The following ADAM7 variants were observed in gnomAD, a reference collection of about 807,000 sequenced individuals.
ADAM7 encodes the protein disintegrin and metalloproteinase domain-containing protein 7.
In ADAM7, 97 loss-of-function variants were observed where a neutral mutation model predicts 102.9. The observed-to-expected ratio is 0.94, with a 90% CI of 0.80 to 1.12. The LOEUF (loss-of-function observed/expected upper bound fraction) is 1.12, where lower values mean the gene tolerates loss of function less well. Among genes scored for constraint, ADAM7 ranks in the 50% most tolerant of loss-of-function variants. The probability of loss-of-function intolerance (pLI) is 0.00; values close to 1 mark genes in which losing one functional copy is unlikely to be tolerated. For synonymous variants in ADAM7, 334 were observed against 304.4 expected (o/e 1.10, Z -1.01); for missense variants, 991 against 908.7 (o/e 1.09, Z -1.16).
intron 3 of ADAM7, among the ~76,000 whole-genome samples, chr8:24,457,991 T>C (rs1442041399): frequency 2.0e-5 from 3 of 152,162 alleles, no homozygotes; most frequent in Admixed American, 1.3e-4. Flanking sequence ...TGGATTACTT[T>C]GGCACCTTCG....
chr8:24,448,659 TATTA>T (rs999902017), intron 3 of ADAM7, among the ~76,000 whole-genome samples: 3 of 29,306 alleles, frequency 1.0e-4, no homozygotes, highest in African/African-American at 2.8e-4. Context: ...TCAGCTTGTT[TATTA>T]TTATTATTAT....
intron 3 of ADAM7, among the ~76,000 whole-genome samples, chr8:24,457,824 T>C (rs1488756679): frequency 1.3e-5 from 2 of 151,868 alleles, no homozygotes; most frequent in Non-Finnish European, 2.9e-5. Flanking sequence ...AGTTTTGGTC[T>C]GTTATGACCT....
chr8:24,459,280 C>A (rs1005501000), intron 3 of ADAM7, among the ~76,000 whole-genome samples: 3 of 151,688 alleles, frequency 2.0e-5, no homozygotes, highest in African/African-American at 7.3e-5. Flanking sequence ...ACTTAAGTTG[C>A]CCCCTTTTTT....
Position 24,492,694 on chromosome 8 carries a change from T to C in ADAM7, c.1655+97T>C, listed in dbSNP as rs147702689. On this transcript the variant is annotated intron_variant, in intron 15 of 21. Transcript: ENST00000175238. ...CCCAGACCTGTTAATCTCTTTTTAC[T>C]GAGACCGGGAGAAGAGGGAAATAAG... The C allele has an allele frequency of 1.8e-5, 15 of 812,060 alleles. No homozygotes were observed. The East Asian group carries it at 3.3e-4, about 18-fold the overall frequency. The allele number at this position is 812,060 out of a possible 1,614,324, so 50.3% of individuals were successfully genotyped here. A position where few individuals can be genotyped will look rare whatever the true frequency, so the allele number is the denominator to read the frequency against.
At chr8:24,458,906 T>C (rs568831923) in intron 3 of ADAM7, among the ~76,000 whole-genome samples, 1 of 151,918 alleles carries the variant, frequency 6.6e-6, no homozygotes, top group South Asian at 2.1e-4. Flanking sequence ...ACCTTATATA[T>C]TATTTTATAA....
intron 20 of ADAM7, among the ~76,000 whole-genome samples, chr8:24,503,239 G>A (rs1820823668): frequency 6.6e-6 from 1 of 152,114 alleles, no homozygotes; most frequent in Admixed American, 6.6e-5. Flanking sequence ...GAAGATCTAA[G>A]AAAAATGTTG....
chr8:24,471,115 A>G (rs1257127112), intron 7 of ADAM7, among the ~76,000 whole-genome samples: 1 of 152,146 alleles, frequency 6.6e-6, no homozygotes, highest in African/African-American at 2.4e-5. Flanking sequence ...TAAATTAAAA[A>G]ACAGAAAAAA....
chr8:24,473,293 G>A (rs191674174), intron 7 of ADAM7, among the ~76,000 whole-genome samples: 3 of 152,222 alleles, frequency 2.0e-5, no homozygotes, highest in Admixed American at 6.5e-5. Context: ...TCAAAACCTG[G>A]TGGGTAATCA....
intron 3 of ADAM7, among the ~76,000 whole-genome samples, chr8:24,457,854 ATGTGTGTGAGTGTGTGTG>A (rs1292212682): frequency 8.7e-6 from 1 of 115,078 alleles, no homozygotes; most frequent in Admixed American, 9.0e-5. Flanking sequence ...GTATGTGCAT[ATGTGTGTGAGTGTGTGTG>A]TGTGTGTGTG....
At chr8:24,456,397 C>A (rs1336045900) in intron 3 of ADAM7, among the ~76,000 whole-genome samples, 2 of 152,134 alleles carry the variant, frequency 1.3e-5, no homozygotes, top group Non-Finnish European at 2.9e-5. Flanking sequence ...TAGGTTGATT[C>A]CATAATTTGG....
At chr8:24,443,303 C>G (rs28690799) in intron 2 of ADAM7, among the ~76,000 whole-genome samples, 3,800 of 152,218 alleles carry the variant, frequency 0.025, 167 homozygotes, top group African/African-American at 0.087. Flanking sequence ...ACCATTAGAG[C>G]AGCCAGTTTT....
At chr8:24,464,997 G>A (rs1819378251) in intron 4 of ADAM7, among the ~76,000 whole-genome samples, 1 of 152,162 alleles carries the variant, frequency 6.6e-6, no homozygotes, top group South Asian at 2.1e-4. Context: ...ATGTTGGCCA[G>A]GATGGTCTCG....
intron 3 of ADAM7, among the ~76,000 whole-genome samples, chr8:24,451,446 T>C (rs1644219139): frequency 6.6e-6 from 1 of 152,230 alleles, no homozygotes; most frequent in Non-Finnish European, 1.5e-5. Flanking sequence ...TAGAGGTGTT[T>C]GTAGTATTCT....
At chr8:24,445,291 C>A (rs1249422683) in intron 2 of ADAM7, among the ~76,000 whole-genome samples, 1 of 152,146 alleles carries the variant, frequency 6.6e-6, no homozygotes, top group Non-Finnish European at 1.5e-5. Context: ...CGTGGGGATT[C>A]TGTGTCTTTA....
At position 24,482,241 on chromosome 8, in the gene ADAM7, T is replaced by A. The variant is rs756330227; in HGVS notation, c.805T>A (p.Leu269Met). Residue 269 changes from leucine (L) to methionine (M), a missense_variant, in exon 9 of 22, where the codon TTG becomes ATG. By Grantham distance (15) the Leu-to-Met change is conservative (BLOSUM62 2). Transcript: ENST00000175238. ...ELYSNIETTL[L>M]RFSFWQEKIL... ...ATATTCAAATATAGAAACTACCTTA[T>A]TGCGTTTTTCATTTTGGCAAGAAAA... is the stretch of plus-strand genomic sequence containing the variant. 6.2e-7 allele frequency: 1 copy of A among 1,611,316 alleles called. No homozygotes were observed. Among genetic ancestry groups the A allele is most frequent in the Non-Finnish European group, 8.5e-7 (1 of 1,179,156 alleles).
chr8:24,448,199 T>A (rs998358720), intron 3 of ADAM7, among the ~76,000 whole-genome samples: 3 of 152,184 alleles, frequency 2.0e-5, no homozygotes, highest in Non-Finnish European at 2.9e-5. Context: ...ATTTACACTT[T>A]GCTGAGGAAG....
At chr8:24,468,719 A>G in intron 6 of ADAM7, 48 bp from the exon 7 acceptor site, 1 of 1,541,188 alleles carries the variant, frequency 6.5e-7, no homozygotes, top group South Asian at 1.1e-5. Flanking sequence ...AAGGGTTAAG[A>G]TAGAAAGTGT....
intron 4 of ADAM7, 70 bp downstream of exon 4, chr8:24,464,030 T>C: frequency 7.3e-7 from 1 of 1,379,262 alleles, no homozygotes; most frequent in Middle Eastern, 1.8e-4. Flanking sequence ...TGAAACCCTG[T>C]TCTAGCTGTA....
chr8:24,483,800 A>G (rs1230155492), intron 9 of ADAM7, among the ~76,000 whole-genome samples: 4 of 152,166 alleles, frequency 2.6e-5, no homozygotes, highest in Non-Finnish European at 5.9e-5. Flanking sequence ...ATTTTTTAAT[A>G]CTTAATAAAT....
Sources: gnomAD v4.1 joint callset for allele counts (sites outside exome capture counted in the v4.1 genomes callset) on GRCh38, gnomAD v4.1.1 for gene constraint, MANE v1.5 for transcripts, NCBI Gene and HGNC (gene_info 2026-07-23, HGNC 2026-07-21) for gene names.